The following FARP1 variants were observed in gnomAD, a reference collection of about 807,000 sequenced individuals.
FARP1 encodes FERM, ARHGEF and pleckstrin domain-containing protein 1.
FARP1 carries 52 observed loss-of-function variants against 128.8 expected under a neutral mutation model. That is an observed-to-expected ratio of 0.40 (90% confidence interval 0.32 to 0.51). FARP1 has a LOEUF of 0.51. Ranked by LOEUF, FARP1 falls within the 20% of genes least tolerant of loss-of-function variation. The pLI, the probability that FARP1 is intolerant of heterozygous loss-of-function variation, is 0.45. For synonymous variants in FARP1, 580 were observed against 551.8 expected (o/e 1.05, Z -0.72); for missense variants, 1,333 against 1,367.9 (o/e 0.97, Z 0.40).
chr13:98,167,910 C>T (rs1006396487), intron 1 of FARP1, among the ~76,000 whole-genome samples: 6 of 150,462 alleles, frequency 4.0e-5, no homozygotes, highest in Non-Finnish European at 8.9e-5. Context: ...CGGTGGCTCA[C>T]GCCTGTAATC....
At chr13:98,440,384 T>C (rs1892475136) in intron 23 of FARP1, 149 bp downstream of exon 23, 1 of 679,378 alleles carries the variant, frequency 1.5e-6, no homozygotes, top group African/African-American at 1.8e-5. Flanking sequence ...TTCTTTTTCC[T>C]AAAAGTAAAA....
At chr13:98,417,948 G>A (rs1420332251) in intron 16 of FARP1, among the ~76,000 whole-genome samples, 2 of 152,234 alleles carry the variant, frequency 1.3e-5, no homozygotes, top group Non-Finnish European at 2.9e-5. Context: ...AGTGTTCATA[G>A]CAGCTTTATC....
chr13:98,209,751 G>A (rs1880546747), intron 1 of FARP1, among the ~76,000 whole-genome samples: 2 of 120,508 alleles, frequency 1.7e-5, no homozygotes, highest in South Asian at 5.9e-4. Flanking sequence ...GAGCCAAGAT[G>A]TTGCTATTGC....
chr13:98,241,615 A>G (rs1341403178), intron 2 of FARP1, among the ~76,000 whole-genome samples: 2 of 152,126 alleles, frequency 1.3e-5, no homozygotes, highest in Non-Finnish European at 2.9e-5. Flanking sequence ...TGTCGTCTCT[A>G]CAAAAAACTT....
chr13:98,246,087 CTTTTTTTTT>C (rs56274534), intron 2 of FARP1, among the ~76,000 whole-genome samples: 9 of 36,880 alleles, frequency 2.4e-4, no homozygotes, highest in Admixed American at 5.3e-4. Flanking sequence ...GAGATAAATT[CTTTTTTTTT>C]TTTTTTTTTT....
intron 1 of FARP1, among the ~76,000 whole-genome samples, chr13:98,186,492 C>A (rs1438224820): frequency 6.6e-6 from 1 of 152,202 alleles, no homozygotes; most frequent in Non-Finnish European, 1.5e-5. Flanking sequence ...TTTCCCTGTT[C>A]TGGATATCTC....
chr13:98,272,569 T>C (rs1884441766), intron 2 of FARP1, among the ~76,000 whole-genome samples: 3 of 152,216 alleles, frequency 2.0e-5, no homozygotes, highest in African/African-American at 7.2e-5. Context: ...CGTGCAGATA[T>C]GTGGGGAAAA....
chr13:98,187,042 A>G (rs10450814), intron 1 of FARP1, among the ~76,000 whole-genome samples: 5,831 of 149,590 alleles, frequency 0.039, 385 homozygotes, highest in African/African-American at 0.13. Flanking sequence ...ACATACAGAT[A>G]TATGTGTTCA....
At chr13:98,237,399 G>A (rs150297814) in intron 2 of FARP1, among the ~76,000 whole-genome samples, 1 of 152,286 alleles carries the variant, frequency 6.6e-6, no homozygotes, top group Non-Finnish European at 1.5e-5. Context: ...GTAAACAAAT[G>A]TAAAGATGCA....
At chr13:98,236,809 G>A (rs1159418827) in intron 2 of FARP1, among the ~76,000 whole-genome samples, 7 of 151,248 alleles carry the variant, frequency 4.6e-5, no homozygotes, top group Admixed American at 4.6e-4. Flanking sequence ...CCAACTTGGT[G>A]AAACCCCATC....
intron 5 of FARP1, among the ~76,000 whole-genome samples, chr13:98,373,533 G>GACAC (rs58658962): frequency 0.044 from 5,754 of 130,982 alleles, 143 homozygotes; most frequent in East Asian, 0.093. Context: ...CAGACAGACA[G>GACAC]ACACACACAC....
At chr13:98,212,079 G>T (rs1880753152) in intron 1 of FARP1, among the ~76,000 whole-genome samples, 1 of 152,310 alleles carries the variant, frequency 6.6e-6, no homozygotes, top group South Asian at 2.1e-4. Flanking sequence ...TTTTGAGATG[G>T]AGTTTCACGC....
intron 2 of FARP1, among the ~76,000 whole-genome samples, chr13:98,262,082 C>A (rs978704082): frequency 3.7e-5 from 5 of 135,932 alleles, no homozygotes; most frequent in African/African-American, 1.4e-4. Context: ...GTGGTGTGAT[C>A]TCAGCTCACT....
At chr13:98,350,417 T>G (rs549344371) in intron 3 of FARP1, among the ~76,000 whole-genome samples, 1 of 152,322 alleles carries the variant, frequency 6.6e-6, no homozygotes, top group African/African-American at 2.4e-5. Context: ...GTACTTACAG[T>G]GTCCCCCGTT....
In FARP1 at chr13:98,176,228, C is replaced by A; in HGVS notation, c.-24+32736C>A. On this transcript the variant is annotated intron_variant, in intron 1 of 26. Coordinates refer to ENST00000319562, the MANE Select transcript of FARP1 (RefSeq NM_005766.4). This position sits in a 1 kb window ranked among gnomAD's most constrained non-coding sequence, Gnocchi z 6.2. ...ATGTGAGAATTATGGGAAACCTAAG[C>A]CATGGGAATTGGACACTCATGGGGG... is the stretch of plus-strand genomic sequence containing the variant. 6.2e-7 allele frequency: 1 copy of A among 1,607,812 alleles called. No homozygotes were observed. Among genetic ancestry groups the A allele is most frequent in the Non-Finnish European group, 8.5e-7 (1 of 1,174,942 alleles).
chr13:98,236,404 C>T (rs911117407), intron 2 of FARP1, among the ~76,000 whole-genome samples: 11 of 152,108 alleles, frequency 7.2e-5, no homozygotes, highest in Non-Finnish European at 1.0e-4. Context: ...TTAGCTTGCA[C>T]GGAAAATGCA....
chr13:98,299,800 A>C (rs1206505227), intron 2 of FARP1, among the ~76,000 whole-genome samples: 3 of 152,236 alleles, frequency 2.0e-5, no homozygotes. Flanking sequence ...ACGGACAAAA[A>C]TGTGGTGCTG....
At chr13:98,361,786 G>A (rs528400475) in intron 3 of FARP1, among the ~76,000 whole-genome samples, 25 of 152,094 alleles carry the variant, frequency 1.6e-4, no homozygotes, top group Non-Finnish European at 3.5e-4. Context: ...AACCTCCTTT[G>A]ATCTGTCATT....
chr13:98,443,464 C>T (rs1410785327), intron 24 of FARP1, among the ~76,000 whole-genome samples: 1 of 152,228 alleles, frequency 6.6e-6, no homozygotes, highest in Non-Finnish European at 1.5e-5. Context: ...ATGAGCCATC[C>T]CCAGGGCCTC....
Sources: allele counts gnomAD v4.1 joint callset (sites outside exome capture counted in the v4.1 genomes callset), GRCh38; gene constraint gnomAD v4.1.1; non-coding constraint Gnocchi (gnomAD v3.1); transcripts MANE v1.5; gene names NCBI Gene and HGNC (gene_info 2026-07-23, HGNC 2026-07-21).